The following RASSF3 variants were observed in gnomAD, a reference collection of about 807,000 sequenced individuals.
RASSF3 encodes the protein ras association domain-containing protein 3.
In RASSF3, 19 loss-of-function variants were observed where a neutral mutation model predicts 19.9. The ratio of observed to expected loss-of-function variants is 0.96; its 90% confidence interval spans 0.67 to 1.40. The LOEUF is 1.40. Ranked by LOEUF, RASSF3 falls within the 40% of genes most tolerant of loss-of-function variation. The pLI, the probability that RASSF3 is intolerant of heterozygous loss-of-function variation, is 0.00. For synonymous variants in RASSF3, 110 were observed against 104.2 expected, an observed-to-expected ratio of 1.06 and a Z score of -0.34; for missense variants, 306 against 289.8, an observed-to-expected ratio of 1.06 and a Z score of -0.41.
chr12:64,682,508 A>G (rs1170177413), intron 1 of RASSF3, among the ~76,000 whole-genome samples: 1 of 151,392 alleles, frequency 6.6e-6, no homozygotes, highest in Non-Finnish European at 1.5e-5. Context: ...CGGAGGTTGC[A>G]GTGAGCCCAG....
intron 2 of RASSF3, among the ~76,000 whole-genome samples, chr12:64,595,065 T>C (rs1374526385): frequency 2.6e-5 from 1 of 38,694 alleles, no homozygotes; most frequent in Non-Finnish European, 5.9e-5. Context: ...ATATGAAATC[T>C]TTTTTTTTTT....
chr12:64,607,785 C>G (rs1483589801), upstream of RASSF3, among the ~76,000 whole-genome samples: 1 of 152,044 alleles, frequency 6.6e-6, no homozygotes, highest in Non-Finnish European at 1.5e-5. Flanking sequence ...GAGACAGACT[C>G]TTACTCTGTT....
At chr12:64,659,231 G>A (rs1872259767) in intron 1 of RASSF3, among the ~76,000 whole-genome samples, 1 of 152,194 alleles carries the variant, frequency 6.6e-6, no homozygotes, top group East Asian at 1.9e-4. Flanking sequence ...GTGGGAGGAG[G>A]TGAGAGAGAG....
intron 1 of RASSF3, among the ~76,000 whole-genome samples, chr12:64,630,537 G>A (rs1286169534): frequency 2.0e-5 from 3 of 151,804 alleles, no homozygotes; most frequent in Admixed American, 2.0e-4. Flanking sequence ...AAAACAAAAC[G>A]AAATTTAAAA....
intron 2 of RASSF3, among the ~76,000 whole-genome samples, chr12:64,556,167 T>C (rs1044074136): frequency 2.2e-4 from 34 of 152,016 alleles, no homozygotes; most frequent in African/African-American, 8.2e-4. Context: ...AAAAAGACCT[T>C]GAGTGGGGAG....
In RASSF3 at chr12:64,576,677, T is replaced by C. The variant is rs1869599926; in HGVS notation, c.294+34972T>C. ...GACCAGCCTGGGCAATGTGGAGAAC[T>C]CTTGCCCTTCAAAAAATACAAAAAT... On this transcript the variant is annotated intron_variant, in intron 2 of 5. Transcript: ENST00000637125. Among the ~76,000 whole-genome samples the C allele has an allele frequency of 2.0e-5, 3 of 151,806 alleles. No homozygotes were observed. The South Asian group carries it at 6.2e-4, about 32-fold the overall frequency.
intron 1 of RASSF3, among the ~76,000 whole-genome samples, chr12:64,660,832 G>GA (rs1872328448): frequency 1.3e-5 from 2 of 152,096 alleles, no homozygotes; most frequent in Non-Finnish European, 2.9e-5. Context: ...GTCCTTTCCT[G>GA]CCTCCTCTTG....
rs1868932952 is a variant in RASSF3 at position 64,541,493 on chromosome 12, G to C, written c.68-88G>C. The C allele has an allele frequency of 1.0e-5, 4 of 397,104 alleles. No individual in the cohort carries two copies. In the East Asian group the frequency reaches 1.4e-4, roughly 14 times the overall value. The allele number at this position is 397,104 out of a possible 1,614,324, so 24.6% of individuals were successfully genotyped here. ...AGGTTGAATGCTGGCTTTTTGAGCA[G>C]GGGAGGGGGTTCAATTTCCCTTGGC... On this transcript the variant is annotated intron_variant, in intron 1 of 1. Transcript: ENST00000636333.
At chr12:64,671,784 C>T (rs1872710153) in intron 1 of RASSF3, among the ~76,000 whole-genome samples, 1 of 152,208 alleles carries the variant, frequency 6.6e-6, no homozygotes, top group Non-Finnish European at 1.5e-5. Flanking sequence ...GTACCAGCGT[C>T]CTGAATTGAC....
At position 64,599,624 on chromosome 12, in the gene RASSF3, G is replaced by C. The variant is rs567162096; in HGVS notation, c.294+57919G>C. On this transcript the variant is annotated intron_variant, in intron 2 of 5. Transcript: ENST00000637125. ...GGCTGTGTAGTGTAGTGATCAGGAGGGTGAACGTGGGAGCTCGGGCTGCCT... is the reference window on the plus strand; with the variant it reads ...GGCTGTGTAGTGTAGTGATCAGGAGCGTGAACGTGGGAGCTCGGGCTGCCT... Among the ~76,000 whole-genome samples, 327 of 152,300 alleles carry C rather than the reference G, an allele frequency of 2.1e-3. 2 individuals are homozygous for C. The highest frequency in any genetic ancestry group is 4.0e-3 in the Non-Finnish European group (270 of 68,036).
At chr12:64,592,586 CCT>C (rs1869942292) in intron 2 of RASSF3, among the ~76,000 whole-genome samples, 1 of 152,082 alleles carries the variant, frequency 6.6e-6, no homozygotes, top group Non-Finnish European at 1.5e-5. Context: ...TGTGAGAATG[CCT>C]GTTTTTCTGC....
intron 1 of RASSF3, among the ~76,000 whole-genome samples, chr12:64,612,947 A>ATGTGTATT (rs1282871311): frequency 3.3e-5 from 5 of 152,204 alleles, no homozygotes; most frequent in African/African-American, 1.2e-4. Flanking sequence ...AGAGCTTCAT[A>ATGTGTATT]TGTGTATTTG....
chr12:64,571,547 G>A (rs1347388367), intron 2 of RASSF3, among the ~76,000 whole-genome samples: 1 of 152,144 alleles, frequency 6.6e-6, no homozygotes, highest in African/African-American at 2.4e-5. Context: ...TAAGCTTCCT[G>A]ATCATTCAGC....
intron 2 of RASSF3, among the ~76,000 whole-genome samples, chr12:64,567,793 C>G (rs1425571725): frequency 6.6e-6 from 1 of 152,232 alleles, no homozygotes; most frequent in Non-Finnish European, 1.5e-5. Context: ...CCAGAGCTGC[C>G]TCTGCAGAGC....
intron 1 of RASSF3, among the ~76,000 whole-genome samples, chr12:64,672,373 G>A (rs911198933): frequency 6.6e-6 from 1 of 152,016 alleles, no homozygotes; most frequent in Non-Finnish European, 1.5e-5. Flanking sequence ...TTACAGGCCG[G>A]TGCCACCATG....
intron 1 of RASSF3, among the ~76,000 whole-genome samples, chr12:64,539,858 T>C (rs972711140): frequency 1.3e-5 from 2 of 152,208 alleles, no homozygotes; most frequent in African/African-American, 2.4e-5. Flanking sequence ...ATCATACAGA[T>C]AGACCAATAA....
intron 3 of RASSF3, 95 bp from the exon 4 acceptor site, chr12:64,691,375 A>T (rs1368379335): frequency 1.2e-5 from 10 of 807,880 alleles, no homozygotes; most frequent in Non-Finnish European, 1.9e-5. Context: ...GGTAACTTGG[A>T]TGGTTACCTT....
At chr12:64,571,487 G>A (rs1869518804) in intron 2 of RASSF3, among the ~76,000 whole-genome samples, 1 of 152,162 alleles carries the variant, frequency 6.6e-6, no homozygotes, top group African/African-American at 2.4e-5. Flanking sequence ...AGTGGGTTCA[G>A]TGACATCTGT....
At chr12:64,688,597 G>C (rs1873452729) in intron 3 of RASSF3, 144 bp downstream of exon 3, 1 of 705,492 alleles carries the variant, frequency 1.4e-6, no homozygotes, top group Admixed American at 2.1e-5. Flanking sequence ...GGTGATCTTA[G>C]CATGCACTTA....
Sources: allele counts gnomAD v4.1 joint callset (sites outside exome capture counted in the v4.1 genomes callset), GRCh38; gene constraint gnomAD v4.1.1; transcripts MANE v1.5; gene names NCBI Gene and HGNC (gene_info 2026-07-23, HGNC 2026-07-21).